The following NKAIN3 variants were observed in gnomAD, a reference collection of about 807,000 sequenced individuals.
NKAIN3 encodes the protein sodium/potassium transporting ATPase interacting 3, also known as sodium/potassium-transporting ATPase subunit beta-1-interacting protein 3.
Under a neutral mutation model 30.2 loss-of-function variants are expected in NKAIN3, and 25 were observed. That is an observed-to-expected ratio of 0.83 (90% CI 0.60 to 1.16). The LOEUF is 1.16. NKAIN3 is among the 50% of genes most tolerant of loss of function. The pLI is 0.00. For missense variants in NKAIN3, 225 were observed against 254.1 expected, an observed-to-expected ratio of 0.89 and a Z score of 0.78; for synonymous variants, 91 against 89.6, an observed-to-expected ratio of 1.02 and a Z score of -0.09.
intron 3 of NKAIN3, among the ~76,000 whole-genome samples, chr8:62,686,119 G>A (rs533564491): frequency 2.0e-5 from 3 of 152,106 alleles, no homozygotes; most frequent in Non-Finnish European, 4.4e-5. Flanking sequence ...CCAAGGCCAC[G>A]TTCTCCCCAG....
At chr8:62,620,945 C>G (rs1265653808) in intron 3 of NKAIN3, among the ~76,000 whole-genome samples, 7 of 152,096 alleles carry the variant, frequency 4.6e-5, no homozygotes, top group Non-Finnish European at 1.0e-4. Flanking sequence ...ATAGGGCTGG[C>G]CTTGAAGAGT....
chr8:62,956,658 T>C (rs532488844), intron 6 of NKAIN3, among the ~76,000 whole-genome samples: 2 of 152,312 alleles, frequency 1.3e-5, no homozygotes, highest in South Asian at 2.1e-4. Context: ...AAAGTAATGA[T>C]ATCAAGCTAA....
chr8:62,369,581 TGAGA>T (rs1325176078), intron 1 of NKAIN3, among the ~76,000 whole-genome samples: 1 of 152,070 alleles, frequency 6.6e-6, no homozygotes, highest in Admixed American at 6.6e-5. Context: ...TGACATTCCC[TGAGA>T]GAATTTATAG....
intron 1 of NKAIN3, among the ~76,000 whole-genome samples, chr8:62,251,274 T>C (rs1218094107): frequency 6.6e-6 from 1 of 152,116 alleles, no homozygotes; most frequent in African/African-American, 2.4e-5. Context: ...ACAACTGGAT[T>C]GTAAACAAAA....
chr8:62,476,605 T>C (rs1806527444), intron 1 of NKAIN3, among the ~76,000 whole-genome samples: 1 of 152,004 alleles, frequency 6.6e-6, no homozygotes, highest in South Asian at 2.1e-4. Flanking sequence ...TACAGGCACG[T>C]GCCACCATAC....
intron 1 of NKAIN3, among the ~76,000 whole-genome samples, chr8:62,398,357 C>G (rs1563380561): frequency 6.6e-6 from 1 of 152,086 alleles, no homozygotes; most frequent in Non-Finnish European, 1.5e-5. Context: ...CATCTTAGAG[C>G]CTGCCGCACA....
rs1815520579 is a variant in NKAIN3 at position 62,335,572 on chromosome 8, G to A, written c.54+86445G>A. The stretch of plus-strand genomic sequence containing the variant: ...CTTTGTGTATATTTTCTCTCCATCT[G>A]AAGACCTGTAGACCATAGGAACAAA... On this transcript the variant is annotated intron_variant, in intron 1 of 6. Transcript: ENST00000623646. 2.6e-5 allele frequency among the ~76,000 whole-genome samples: 4 copies of A among 151,886 alleles called. No homozygotes were observed. In the South Asian group the frequency reaches 8.3e-4, roughly 32 times the overall value.
chr8:62,322,846 A>G (rs1585679343), intron 1 of NKAIN3, among the ~76,000 whole-genome samples: 1 of 152,228 alleles, frequency 6.6e-6, no homozygotes, highest in South Asian at 2.1e-4. Context: ...AAACTCAACA[A>G]TGGGAAAAAG....
At chr8:62,987,357 C>A (rs537822178), downstream of NKAIN3, among the ~76,000 whole-genome samples, 13 of 152,102 alleles carry the variant, frequency 8.5e-5, no homozygotes, top group East Asian at 2.3e-3. Context: ...GGCATGAGAA[C>A]CCTTGAATTC....
intron 1 of NKAIN3, among the ~76,000 whole-genome samples, chr8:62,364,055 T>C (rs6472013): frequency 0.97 from 147,554 of 152,234 alleles, 71,567 homozygotes; most frequent in East Asian, 1. Context: ...TCTGTATAGA[T>C]GCTTATGTGA....
chr8:62,814,468 C>T lies in NKAIN3; in HGVS notation c.471+67339C>T, dbSNP rs561457269. On this transcript the variant is annotated intron_variant, in intron 4 of 6. Transcript: ENST00000623646. ...ATGCCACACCTATTCCAAAATCGAC[C>T]ACATAGTTGGAAGTAAAGCTCTCCT... is the stretch of plus-strand genomic sequence containing the variant. 5.3e-5 allele frequency among the ~76,000 whole-genome samples: 8 copies of T among 151,888 alleles called. No homozygotes were observed. In the South Asian group the frequency reaches 1.7e-3, roughly 32 times the overall value.
At chr8:62,396,701 A>C (rs1490607374) in intron 1 of NKAIN3, among the ~76,000 whole-genome samples, 1 of 152,168 alleles carries the variant, frequency 6.6e-6, no homozygotes, top group Non-Finnish European at 1.5e-5. Context: ...AAATTACAAA[A>C]TTTACACTTT....
chr8:62,894,717 A>C (rs1339119976), intron 4 of NKAIN3, among the ~76,000 whole-genome samples: 1 of 152,170 alleles, frequency 6.6e-6, no homozygotes, highest in African/African-American at 2.4e-5. Context: ...GTCACTTAGA[A>C]GGTATAGATT....
intron 1 of NKAIN3, among the ~76,000 whole-genome samples, chr8:62,503,155 G>A (rs576478730): frequency 3.3e-5 from 5 of 152,184 alleles, no homozygotes; most frequent in African/African-American, 9.7e-5. Flanking sequence ...TTTTCCCTAA[G>A]TGTTGGTCAG....
intron 4 of NKAIN3, among the ~76,000 whole-genome samples, chr8:62,768,618 CAACAGGAA>C (rs1473102016): frequency 6.6e-6 from 1 of 152,120 alleles, no homozygotes; most frequent in African/African-American, 2.4e-5. Flanking sequence ...GGGCAGTTGT[CAACAGGAA>C]ATAGCAGCTC....
At chr8:62,417,767 C>CT (rs763888837) in intron 1 of NKAIN3, among the ~76,000 whole-genome samples, 22 of 151,712 alleles carry the variant, frequency 1.5e-4, no homozygotes, top group Admixed American at 3.9e-4. Context: ...ATTTATTTGT[C>CT]TTTTTTTTGA....
At chr8:62,380,669 A>T (rs1298527903) in intron 1 of NKAIN3, among the ~76,000 whole-genome samples, 1 of 152,244 alleles carries the variant, frequency 6.6e-6, no homozygotes, top group Non-Finnish European at 1.5e-5. Context: ...TAGATAAGCA[A>T]GCTCCCATGT....
intron 4 of NKAIN3, among the ~76,000 whole-genome samples, chr8:62,748,214 A>G (rs1816151400): frequency 6.6e-6 from 1 of 152,158 alleles, no homozygotes. Context: ...AATATTGGCT[A>G]GGGTCACTGA....
intron 1 of NKAIN3, among the ~76,000 whole-genome samples, chr8:62,270,722 C>T (rs1473709631): frequency 6.6e-6 from 1 of 152,156 alleles, no homozygotes; most frequent in Non-Finnish European, 1.5e-5. Flanking sequence ...ATTACTCCTG[C>T]CAATCTCCAA....
Sources: gnomAD v4.1 joint callset for allele counts (sites outside exome capture counted in the v4.1 genomes callset) on GRCh38, gnomAD v4.1.1 for gene constraint, MANE v1.5 for transcripts, NCBI Gene and HGNC (gene_info 2026-07-23, HGNC 2026-07-21) for gene names.